Variants in LMO7 observed in about 807,000 individuals in gnomAD.
LMO7 encodes the protein LIM domain 7, also known as LIM domain only protein 7.
Under a neutral mutation model 206.5 loss-of-function variants are expected in LMO7, and 120 were observed. The observed-to-expected ratio is 0.58, with a 90% CI of 0.50 to 0.68. The LOEUF is 0.68. Among genes scored for constraint, LMO7 ranks in the 30% least tolerant of loss-of-function variants. The pLI, the probability that LMO7 is intolerant of heterozygous loss-of-function variation, is 0.00. For synonymous variants in LMO7, 706 were observed against 681.5 expected (o/e 1.04, Z -0.56); for missense variants, 1,959 against 1,957.9 (o/e 1.00, Z -0.01).
At position 75,859,535 on chromosome 13, in the gene LMO7, G is replaced by T. The variant is rs1017494867; in HGVS notation, c.*1592G>T. 2.0e-5 allele frequency: 3 copies of T among 151,974 alleles called. No homozygotes were observed. Among genetic ancestry groups the T allele is most frequent in the Non-Finnish European group, 4.4e-5 (3 of 67,990 alleles). 9.4% of individuals were successfully genotyped at this position (151,974 alleles called of 1,614,324 possible). On this transcript the variant is annotated 3_prime_UTR_variant, in exon 31 of 31. Transcript: ENST00000377534. ...TTCCATTACTGTGTATTTTTCACTT[G>T]TTTCTAAGATCAAACATTTTAATAT...
chr13:75,685,890 CTTTTTTTTTTTTT>C (rs551370410), intron 1 of LMO7, among the ~76,000 whole-genome samples: 1 of 105,976 alleles, frequency 9.4e-6, no homozygotes, highest in African/African-American at 3.5e-5. Flanking sequence ...TTTTCTTTCT[CTTTTTTTTTTTTT>C]TTTTTTTTTT....
At chr13:75,671,454 A>G (rs1158617726) in intron 1 of LMO7, among the ~76,000 whole-genome samples, 3 of 152,094 alleles carry the variant, frequency 2.0e-5, no homozygotes, top group Non-Finnish European at 4.4e-5. Flanking sequence ...TTGTAGTCTC[A>G]TGAGTCCACC....
intron 11 of LMO7, among the ~76,000 whole-genome samples, chr13:75,815,858 A>G (rs9544048): frequency 3.3e-5 from 5 of 152,188 alleles, no homozygotes; most frequent in Non-Finnish European, 5.9e-5. Flanking sequence ...GTTAGGTTTC[A>G]GATGTGGATG....
chr13:75,696,628 C>T (rs983365218), intron 1 of LMO7, among the ~76,000 whole-genome samples: 9 of 152,078 alleles, frequency 5.9e-5, no homozygotes, highest in Non-Finnish European at 1.0e-4. Flanking sequence ...TCAATCCAGG[C>T]CATTTGAATC....
rs2057369166 is a variant in LMO7, at chr13:75,819,503, C to T, written c.2175C>T (p.Ser725=). The change falls in exon 13 of 31, where the codon AGC becomes AGT. Residue 725 remains serine (S), a synonymous_variant. Coordinates refer to ENST00000377534, the MANE Select transcript of LMO7 (RefSeq NM_001306080.2). ...EKQALEKSKR[S]SKTFKEMLQD... is the part of the protein sequence containing the mutation. ...AGGCACTTGAGAAGTCTAAGAGAAGCTCTAAGACGTTTAAGGAAATGCTGC... is the reference window on the plus strand; with the variant it reads ...AGGCACTTGAGAAGTCTAAGAGAAGTTCTAAGACGTTTAAGGAAATGCTGC... The T allele has an allele frequency of 2.5e-6, 4 of 1,607,344 alleles. No homozygotes were observed. Among genetic ancestry groups the T allele is most frequent in the Non-Finnish European group, 3.4e-6 (4 of 1,178,348 alleles).
chr13:75,808,926 T>C (rs1211968471), intron 10 of LMO7, among the ~76,000 whole-genome samples: 2 of 152,198 alleles, frequency 1.3e-5, no homozygotes, highest in Non-Finnish European at 2.9e-5. Flanking sequence ...TCATATGGAT[T>C]TGTTAGCTCA....
At chr13:75,808,611 G>T (rs778539225) in intron 10 of LMO7, among the ~76,000 whole-genome samples, 1 of 152,146 alleles carries the variant, frequency 6.6e-6, no homozygotes, top group Admixed American at 6.5e-5. Context: ...TTAAAATATG[G>T]CATTGCAAAT....
At chr13:75,764,300 A>T (rs2048571891) in intron 4 of LMO7, among the ~76,000 whole-genome samples, 1 of 152,148 alleles carries the variant, frequency 6.6e-6, no homozygotes, top group Non-Finnish European at 1.5e-5. Context: ...CTGGATCATC[A>T]TTCTTAACCA....
chr13:75,675,020 T>G (rs568491844), intron 1 of LMO7, among the ~76,000 whole-genome samples: 1 of 152,334 alleles, frequency 6.6e-6, no homozygotes, highest in African/African-American at 2.4e-5. Context: ...ATTTGTAATT[T>G]TAGCTTCAGG....
intron 2 of LMO7, 131 bp downstream of exon 2, chr13:75,713,383 A>T (rs879272723): frequency 3.1e-5 from 17 of 550,876 alleles, no homozygotes; most frequent in Non-Finnish European, 5.1e-5. Context: ...GTGAGATTTG[A>T]TCCCTGCAAA....
chr13:75,790,929 A>G (rs1451407688), intron 4 of LMO7, among the ~76,000 whole-genome samples: 1 of 149,944 alleles, frequency 6.7e-6, no homozygotes, highest in African/African-American at 2.4e-5. Flanking sequence ...AGGGCTATCA[A>G]CATACCCAAG....
chr13:75,817,095 C>T, intron 11 of LMO7, 66 bp from the exon 12 acceptor site: 1 of 1,112,068 alleles, frequency 9.0e-7, no homozygotes, highest in Non-Finnish European at 1.3e-6. Flanking sequence ...TTAACTCCAA[C>T]CTCAGTTTAA....
chr13:75,819,914 A>T (rs1017955839), intron 13 of LMO7, among the ~76,000 whole-genome samples: 5 of 152,230 alleles, frequency 3.3e-5, no homozygotes, highest in African/African-American at 1.2e-4. Context: ...TAAATTGTGT[A>T]AAATATAACG....
chr13:75,664,424 C>T (rs1256367456), intron 1 of LMO7, among the ~76,000 whole-genome samples: 1 of 152,066 alleles, frequency 6.6e-6, no homozygotes, highest in Admixed American at 6.6e-5. Flanking sequence ...ATCTGTTCAT[C>T]TGCTGATGGA....
At chr13:75,621,892 T>C in intron 1 of LMO7, 1 of 1,519,476 alleles carries the variant, frequency 6.6e-7, no homozygotes. Flanking sequence ...CTTGAATACT[T>C]TTATATTATT....
chr13:75,646,317 G>A (rs148052256), intron 1 of LMO7, among the ~76,000 whole-genome samples: 3,820 of 152,292 alleles, frequency 0.025, 83 homozygotes, highest in Admixed American at 0.035. Context: ...TGTTGCAGTA[G>A]CCTGGACTCC....
chr13:75,639,463 G>C (rs905992464), intron 1 of LMO7, among the ~76,000 whole-genome samples: 4 of 152,158 alleles, frequency 2.6e-5, no homozygotes, highest in Non-Finnish European at 4.4e-5. Context: ...ATGTAGCAGG[G>C]CTGGTTTATG....
chr13:75,819,502 G>T lies in LMO7; in HGVS notation c.2174G>T (p.Ser725Ile). 6.2e-7 allele frequency: 1 copy of T among 1,607,558 alleles called. No individual in the cohort carries two copies. Residue 725 changes from serine to isoleucine, a missense_variant, in exon 13 of 31, where the codon AGC becomes ATC. Ser to Ile is a moderately radical substitution (Grantham distance 142). Coordinates refer to ENST00000377534, the MANE Select transcript of LMO7 (RefSeq NM_001306080.2). ...EKQALEKSKR[S>I]SKTFKEMLQD... ...CAGGCACTTGAGAAGTCTAAGAGAA[G>T]CTCTAAGACGTTTAAGGAAATGCTG...
At chr13:75,663,432 C>CTT (rs1178254643) in intron 1 of LMO7, among the ~76,000 whole-genome samples, 12,712 of 111,074 alleles carry the variant, frequency 0.11, 1,376 homozygotes, top group East Asian at 0.3. Flanking sequence ...TTCTTTCTTT[C>CTT]TTTTTTTTTT....
Sources: gnomAD v4.1 joint callset for allele counts (sites outside exome capture counted in the v4.1 genomes callset) on GRCh38, gnomAD v4.1.1 for gene constraint, MANE v1.5 for transcripts, NCBI Gene and HGNC (gene_info 2026-07-23, HGNC 2026-07-21) for gene names.